Variants in SEZ6L2 observed in about 807,000 individuals in gnomAD.
SEZ6L2 encodes seizure 6-like protein 2.
A neutral mutation model predicts 97.0 loss-of-function variants in SEZ6L2; 44 were observed. The ratio of observed to expected loss-of-function variants is 0.45; its 90% confidence interval spans 0.36 to 0.58. The LOEUF (loss-of-function observed/expected upper bound fraction) is 0.58, where lower values mean the gene tolerates loss of function less well. Ranked by LOEUF, SEZ6L2 falls within the 20% of genes least tolerant of loss-of-function variation. The probability of loss-of-function intolerance (pLI) is 0.00; values close to 1 mark genes in which losing one functional copy is unlikely to be tolerated. For synonymous variants in SEZ6L2, 543 were observed against 546.1 expected (o/e 0.99, Z 0.08); for missense variants, 1,086 against 1,233.3 (o/e 0.88, Z 1.79).
chr16:29,896,961 G>A lies in SEZ6L2; in HGVS notation c.372C>T (p.Thr124=). Residue 124 remains threonine (T), a synonymous_variant, in exon 3 of 18, where the codon ACC becomes ACT. Coordinates refer to ENST00000617533, the MANE Select transcript of SEZ6L2 (RefSeq NM_001243332.2). ...GAGPTAPELL[T]PPPGTTAPPP... ...GTGGGGCTGTGGTTCCTGGGGGCGG[G>A]GTCAGCAGTTCTGGCGCAGTGGGGC... The A allele has an allele frequency of 1.9e-6, 3 of 1,595,034 alleles. No homozygotes were observed. The highest frequency in any genetic ancestry group is 4.5e-5 in the East Asian group (2 of 44,096).
In SEZ6L2 at chr16:29,876,817, G is replaced by T; in HGVS notation, c.2043C>A (p.Ser681=). 1 of 1,605,028 alleles carries T rather than the reference G, an allele frequency of 6.2e-7. No homozygotes were observed. Among genetic ancestry groups the T allele is most frequent in the Non-Finnish European group, 8.5e-7 (1 of 1,176,004 alleles). ...GGTCCCACTGGCAAGTGAGAATGTC[G>T]GAGCCTAGCAGCTCGTAGCCAGGCT... ...QCEPGYELLG[S]DILTCQWDLS... is the part of the protein sequence containing the mutation. The change falls in exon 12 of 18, where the codon TCC becomes TCA. Residue 681 remains serine (S), a synonymous_variant. Coordinates refer to ENST00000617533, the MANE Select transcript of SEZ6L2 (RefSeq NM_001243332.2). This position sits in a 1 kb window ranked among gnomAD's most constrained non-coding sequence, Gnocchi z 6.5.
chr16:29,871,751 AGTT>A (rs1473559137), intron 17 of SEZ6L2, 23 bp from the exon 18 acceptor site: 1 of 1,603,296 alleles, frequency 6.2e-7, no homozygotes. Flanking sequence ...AGATCAGGTC[AGTT>A]GTTGGAGTCT....
intron 8 of SEZ6L2, among the ~76,000 whole-genome samples, chr16:29,881,900 G>A (rs1424802758): frequency 6.7e-6 from 1 of 148,740 alleles, no homozygotes; most frequent in East Asian, 2.0e-4. Context: ...AAAGTGCTGG[G>A]ATTATAGGCG....
Position 29,872,755 on chromosome 16 carries a change from G to C in SEZ6L2, c.2489-12C>G. ...CTCCTCATAGGCAACTGCAGGGAGA[G>C]GAGGGGGAGGGGATGGGGTCTGAGC... On this transcript the variant is annotated splice_polypyrimidine_tract_variant and intron_variant, in intron 14 of 17. Transcript: ENST00000617533. The C allele has an allele frequency of 6.2e-7, 1 of 1,609,776 alleles. No individual in the cohort carries two copies. The highest frequency in any genetic ancestry group is 1.7e-5 in the Admixed American group (1 of 59,888).
rs758958999 is a variant in SEZ6L2, at chr16:29,897,118, G to A, written c.215C>T (p.Ser72Phe). ...GGTGGCTAGCGTGGGGTCCCGATCA[G>A]ATCCTGGGACAGTGCAGGGAATATC... ...RGPEMGYLPG[S>F]DRDPTLATPP... Residue 72 changes from serine (S) to phenylalanine (F), a missense_variant, in exon 3 of 18, where the codon TCT (serine) becomes TTT (phenylalanine). Around this residue, in one of 2 missense-constraint regions of SEZ6L2, gnomAD observed 776 missense variants for 794.7 expected, o/e 0.98. Transcript: ENST00000617533. 9.6e-6 allele frequency: 15 copies of A among 1,561,828 alleles called. 2 individuals are homozygous for A. The South Asian group carries it at 1.7e-4, about 18-fold the overall frequency.
Position 29,896,935 on chromosome 16 carries a change from G to C in SEZ6L2, c.398C>G (p.Pro133Arg), listed in dbSNP as rs371000054. Reference sequence around the variant, plus strand: ...CCCTGGGGAGGCAGGGCTGGGTGGGGGTGGGGCTGTGGTTCCTGGGGGCGG... The same window carrying C: ...CCCTGGGGAGGCAGGGCTGGGTGGGCGTGGGGCTGTGGTTCCTGGGGGCGG... Reference protein sequence around the residue: ...LTPPPGTTAPPPPSPASPGPP... With the variant: ...LTPPPGTTAPRPPSPASPGPP... The change falls in exon 3 of 18, where the codon CCC becomes CGC. Residue 133 changes from proline to arginine, a missense_variant. Transcript: ENST00000617533. The C allele has an allele frequency of 1.9e-6, 3 of 1,610,866 alleles. No homozygotes were observed. The highest frequency in any genetic ancestry group is 2.7e-5 in the African/African-American group (2 of 74,870).
intron 12 of SEZ6L2, among the ~76,000 whole-genome samples, chr16:29,874,971 C>T (rs998426761): frequency 6.6e-6 from 1 of 152,090 alleles, no homozygotes; most frequent in Non-Finnish European, 1.5e-5. Flanking sequence ...AACTCCTGGG[C>T]TTAAGCAATT....
At chr16:29,878,642 T>C (rs2067962576) in intron 9 of SEZ6L2, among the ~76,000 whole-genome samples, 1 of 151,908 alleles carries the variant, frequency 6.6e-6, no homozygotes, top group East Asian at 1.9e-4. Flanking sequence ...TGGAGTGCAG[T>C]GGTGCGATCT....
At position 29,885,732 on chromosome 16, in the gene SEZ6L2, C is replaced by G; in HGVS notation, c.1226G>C (p.Gly409Ala). ...EDNDRLMVRSGGSPLSPVIYD... is the reference protein window; with the variant it reads ...EDNDRLMVRSAGSPLSPVIYD... Reference sequence around the variant, plus strand: ...GATCACGGGGGATAGGGGGCTGCCCCCTGAGCGCACCATCAGCCTGGGATG... The same window carrying G: ...GATCACGGGGGATAGGGGGCTGCCCGCTGAGCGCACCATCAGCCTGGGATG... Residue 409 changes from glycine (G) to alanine (A), a missense_variant, in exon 8 of 18, where the codon GGG (glycine) becomes GCG (alanine). Gly to Ala is a moderately conservative substitution (Grantham distance 60). Around this residue, in one of 2 missense-constraint regions of SEZ6L2, gnomAD observed 776 missense variants for 794.7 expected, o/e 0.98. Transcript: ENST00000617533. The G allele has an allele frequency of 6.2e-7, 1 of 1,610,678 alleles. No homozygotes were observed. The highest frequency in any genetic ancestry group is 8.5e-7 in the Non-Finnish European group (1 of 1,177,626).
chr16:29,872,137 G>A, intron 17 of SEZ6L2, 50 bp downstream of exon 17: 1 of 1,428,454 alleles, frequency 7.0e-7, no homozygotes, highest in Non-Finnish European at 9.6e-7. Context: ...AGGTTATGGA[G>A]TCCTGGGAGA....
Position 29,896,891 on chromosome 16 carries a change from C to T in SEZ6L2, c.442G>A (p.Gly148Arg). The T allele has an allele frequency of 6.2e-7, 1 of 1,614,004 alleles. No individual in the cohort carries two copies. The highest frequency in any genetic ancestry group is 8.5e-7 in the Non-Finnish European group (1 of 1,179,964). ...GTGGTCGTCGTCTCCTCCTCTCCTC[C>T]CTCAGGCCCAAGGGGAGGCCCTGGG... Reference protein sequence around the residue: ...ASPGPPLGPEGGEEETTTTII... With the variant: ...ASPGPPLGPERGEEETTTTII... Residue 148 changes from glycine to arginine, a missense_variant, in exon 3 of 18, where the codon GGA (glycine) becomes AGA (arginine). Gly to Arg is a moderately radical substitution (Grantham distance 125). Around this residue, in one of 2 missense-constraint regions of SEZ6L2, gnomAD observed 776 missense variants for 794.7 expected, o/e 0.98. Coordinates refer to ENST00000617533, the MANE Select transcript of SEZ6L2 (RefSeq NM_001243332.2).
chr16:29,883,533 G>T (rs1175542862), intron 8 of SEZ6L2, among the ~76,000 whole-genome samples: 3 of 151,950 alleles, frequency 2.0e-5, no homozygotes, highest in Non-Finnish European at 4.4e-5. Flanking sequence ...GCTCAGACTG[G>T]TTCTCAAACT....
chr16:29,892,442 C>G (rs928984730), intron 5 of SEZ6L2, among the ~76,000 whole-genome samples: 1 of 152,222 alleles, frequency 6.6e-6, no homozygotes, highest in Non-Finnish European at 1.5e-5. Flanking sequence ...TATCTGAAAT[C>G]CAGCACTTGG....
chr16:29,895,586 A>G, intron 4 of SEZ6L2, 126 bp from the exon 5 acceptor site: 1 of 1,419,280 alleles, frequency 7.0e-7, no homozygotes. Context: ...CCCAAGTTGT[A>G]GAAATCTAGA....
chr16:29,875,380 C>A (rs1261415039), intron 12 of SEZ6L2, among the ~76,000 whole-genome samples: 3 of 152,184 alleles, frequency 2.0e-5, no homozygotes, highest in African/African-American at 7.2e-5. Flanking sequence ...CAGGCTCAAT[C>A]TGCTGCCTTG....
chr16:29,875,665 C>CT (rs11443146), intron 12 of SEZ6L2, among the ~76,000 whole-genome samples: 1,234 of 120,994 alleles, frequency 0.01, 25 homozygotes, highest in Non-Finnish European at 0.013. Context: ...TTCTTTCTTT[C>CT]TTTTTTTTTT....
chr16:29,883,341 C>G (rs12325239), intron 8 of SEZ6L2, among the ~76,000 whole-genome samples: 2 of 151,516 alleles, frequency 1.3e-5, no homozygotes, highest in African/African-American at 2.4e-5. Context: ...GGGTCTTGCT[C>G]TGTTGCCCAG....
In SEZ6L2 at chr16:29,899,115, T is replaced by C; in HGVS notation, c.-96A>G. 1 of 627,924 alleles carries C rather than the reference T, an allele frequency of 1.6e-6. No individual in the cohort carries two copies. The highest frequency in any genetic ancestry group is 2.5e-6 in the Non-Finnish European group (1 of 402,584). 38.9% of individuals were successfully genotyped at this position (627,924 alleles called of 1,614,324 possible). ...GTTTATCTTTCCCTTTAATTGTTTT[T>C]TTTTTTTTTTTTTTTTTCCTCGTAG... On this transcript the variant is annotated 5_prime_UTR_variant, in exon 1 of 18. Coordinates refer to ENST00000617533, the MANE Select transcript of SEZ6L2 (RefSeq NM_001243332.2).
rs1311011521 is a variant in SEZ6L2 at position 29,878,308 on chromosome 16, C to A, written c.1691G>T (p.Arg564Leu). The change falls in exon 10 of 18, where the codon CGC (arginine) becomes CTC (leucine). Residue 564 changes from arginine (R) to leucine (L), a missense_variant. Physicochemically the swap from Arg to Leu is moderately radical, Grantham distance 102. Transcript: ENST00000617533. ...VWGVHVQEEK[R>L]ILLQVEILNV... ...ATACATCTCAACTTGGAGCAAGATG[C>A]GCTTCTCTTCCTGGACGTGCACGCC... 1.3e-6 allele frequency: 2 copies of A among 1,592,802 alleles called. No homozygotes were observed. Among genetic ancestry groups the A allele is most frequent in the East Asian group, 2.3e-5 (1 of 43,614 alleles).
Sources: allele counts gnomAD v4.1 joint callset (sites outside exome capture counted in the v4.1 genomes callset), GRCh38; gene constraint gnomAD v4.1.1; regional missense constraint gnomAD v4.1.1; non-coding constraint Gnocchi (gnomAD v3.1); transcripts MANE v1.5; gene names NCBI Gene and HGNC (gene_info 2026-07-23, HGNC 2026-07-21).